EPHA6: variants seen among roughly 807,000 people sequenced by gnomAD.
EPHA6 encodes ephrin type-A receptor 6.
In EPHA6, 50 loss-of-function variants were observed where a neutral mutation model predicts 112.0. The observed-to-expected ratio is 0.45, with a 90% CI of 0.36 to 0.56. The LOEUF is 0.56. Ranked by LOEUF, EPHA6 falls within the 20% of genes least tolerant of loss-of-function variation. The pLI is 0.00. For missense variants in EPHA6, 1,280 were observed against 1,417.4 expected (o/e 0.90, Z 1.56); for synonymous variants, 529 against 490.7 (o/e 1.08, Z -1.03).
chr3:97,335,305 C>G (rs2083005883), intron 5 of EPHA6, among the ~76,000 whole-genome samples: 2 of 152,152 alleles, frequency 1.3e-5, no homozygotes, highest in African/African-American at 4.8e-5. Context: ...AGGCAGCCAT[C>G]TGCAATACTT....
At chr3:97,291,088 C>T (rs560262977) in intron 5 of EPHA6, among the ~76,000 whole-genome samples, 9 of 152,104 alleles carry the variant, frequency 5.9e-5, no homozygotes, top group East Asian at 5.8e-4. Flanking sequence ...TCATTTGTTT[C>T]GAGATGCTTT....
chr3:97,364,586 A>G lies in EPHA6; in HGVS notation c.1607-40564A>G, dbSNP rs960881591. Among the ~76,000 whole-genome samples, 21 of 152,220 alleles carry G rather than the reference A, an allele frequency of 1.4e-4. No homozygotes were observed. The East Asian group carries it at 4.1e-3, about 29-fold the overall frequency. ...AAAGAGTATGCAAAACAGTTACAAT[A>G]TAAAAACATAATTTATTTCTATGCA... On this transcript the variant is annotated intron_variant, in intron 5 of 17. Coordinates refer to ENST00000389672, the MANE Select transcript of EPHA6 (RefSeq NM_001080448.3).
At chr3:97,596,299 G>A (rs2093590283) in intron 12 of EPHA6, among the ~76,000 whole-genome samples, 1 of 152,152 alleles carries the variant, frequency 6.6e-6, no homozygotes, top group East Asian at 1.9e-4. Flanking sequence ...GTATTTGAAA[G>A]TGGTTTAGAA....
In EPHA6 at chr3:96,950,314, C is replaced by T. The variant is rs183644643; in HGVS notation, c.451-37016C>T. Among the ~76,000 whole-genome samples the T allele has an allele frequency of 2.8e-4, 42 of 152,184 alleles. No homozygotes were observed. In the East Asian group the frequency reaches 6.8e-3, roughly 25 times the overall value. ...TCATGCCCTAGTTCAAATACTAATG[C>T]CATGCCCTCACCTATAAAGTGTAGG... On this transcript the variant is annotated intron_variant, in intron 2 of 17. Transcript: ENST00000389672.
rs144627527 is a variant in EPHA6, at chr3:97,021,812, A to G, written c.1114+33819A>G. Among the ~76,000 whole-genome samples, 187 of 152,286 alleles carry G rather than the reference A, an allele frequency of 1.2e-3. 1 individual carries two copies. The highest frequency in any genetic ancestry group is 4.2e-3 in the African/African-American group (176 of 41,570). ...ACATTGGGGGTTAGAGTTTCAACCT[A>G]TGCATTTTGGGGACACAATGTAGTC... On this transcript the variant is annotated intron_variant, in intron 3 of 17. Transcript: ENST00000389672.
At chr3:97,081,784 A>T (rs1412393804) in intron 3 of EPHA6, among the ~76,000 whole-genome samples, 1 of 151,548 alleles carries the variant, frequency 6.6e-6, no homozygotes, top group Non-Finnish European at 1.5e-5. Context: ...CAATAATACA[A>T]TTTTCATGCA....
rs1203684844 is a variant in EPHA6 at position 97,405,091 on chromosome 3, A to G, written c.1607-59A>G. 34 of 1,518,990 alleles carry G rather than the reference A, an allele frequency of 2.2e-5. No homozygotes were observed. The East Asian group carries it at 8.0e-4, about 36-fold the overall frequency. The allele number at this position is 1,518,990 out of a possible 1,614,324, so 94.1% of individuals were successfully genotyped here. ...TTCCTTGGAAGAGAAAATATTAAAGAAAGGATAATGGAAAATGATTCCTGC... is the reference window on the plus strand; with the variant it reads ...TTCCTTGGAAGAGAAAATATTAAAGGAAGGATAATGGAAAATGATTCCTGC... On this transcript the variant is annotated intron_variant, in intron 5 of 17. Coordinates refer to ENST00000389672, the MANE Select transcript of EPHA6 (RefSeq NM_001080448.3).
chr3:97,439,748 A>G (rs2090037957), intron 6 of EPHA6: 1 of 425,774 alleles, frequency 2.3e-6, no homozygotes, highest in African/African-American at 2.2e-5. Context: ...TTATATAGTT[A>G]TTCTAGCTTG....
At chr3:97,175,548 G>C (rs1013154558) in intron 3 of EPHA6, among the ~76,000 whole-genome samples, 5 of 151,558 alleles carry the variant, frequency 3.3e-5, no homozygotes, top group African/African-American at 1.2e-4. Flanking sequence ...TCCATTTTTT[G>C]TTGTAATCTT....
chr3:97,287,001 TAA>T (rs1213268790), intron 5 of EPHA6, among the ~76,000 whole-genome samples: 4 of 143,116 alleles, frequency 2.8e-5, no homozygotes, highest in South Asian at 2.2e-4. Context: ...ATGCAGCTGT[TAA>T]AAAAAAAAAA....
chr3:97,001,638 A>G (rs1244968959), intron 3 of EPHA6, among the ~76,000 whole-genome samples: 2 of 151,988 alleles, frequency 1.3e-5, no homozygotes, highest in Non-Finnish European at 2.9e-5. Flanking sequence ...ATTTTTTTAG[A>G]ATGAGTATCA....
chr3:97,692,961 T>C (rs1215386966), intron 14 of EPHA6, among the ~76,000 whole-genome samples: 1 of 152,194 alleles, frequency 6.6e-6, no homozygotes, highest in African/African-American at 2.4e-5. Context: ...GCTGTAATAT[T>C]ATTAGCATTT....
At chr3:97,244,360 G>A in intron 5 of EPHA6, 73 bp downstream of exon 5, 1 of 1,300,610 alleles carries the variant, frequency 7.7e-7, no homozygotes, top group South Asian at 1.3e-5. Flanking sequence ...TCATGGGCAT[G>A]TATTTATTGC....
chr3:96,836,221 T>G (rs1231738964), intron 1 of EPHA6, among the ~76,000 whole-genome samples: 1 of 152,112 alleles, frequency 6.6e-6, no homozygotes, highest in East Asian at 1.9e-4. Flanking sequence ...CAAAATTATT[T>G]AGTCCATTAA....
intron 2 of EPHA6, among the ~76,000 whole-genome samples, chr3:96,884,357 A>T (rs1008005236): frequency 6.6e-6 from 1 of 152,112 alleles, no homozygotes; most frequent in African/African-American, 2.4e-5. Context: ...TGAGCACGGG[A>T]TGTGTTTCCA....
intron 14 of EPHA6, among the ~76,000 whole-genome samples, chr3:97,688,767 A>G (rs1348839506): frequency 6.6e-6 from 1 of 152,022 alleles, no homozygotes; most frequent in African/African-American, 2.4e-5. Flanking sequence ...ACTTCTACCC[A>G]CTTTGTTTCT....
chr3:97,098,516 C>G (rs1464886492), intron 3 of EPHA6, among the ~76,000 whole-genome samples: 2 of 151,682 alleles, frequency 1.3e-5, no homozygotes, highest in East Asian at 3.9e-4. Context: ...TAAATTAAAA[C>G]AGAAGGATTT....
chr3:97,452,658 T>C (rs976114084), intron 7 of EPHA6, among the ~76,000 whole-genome samples: 2 of 151,734 alleles, frequency 1.3e-5, no homozygotes, highest in African/African-American at 4.8e-5. Context: ...ATACTTCATA[T>C]GGATTTTCTT....
rs763682996 is a variant in EPHA6, at chr3:96,994,759, A to AGAGAGAGAGAGAGCGAGC, written c.1114+6769_1114+6770insAGAGAGAGAGCGAGCGAG. ...GAGAGAGAGAGAGAGAGAGAGAGAG[A>AGAGAGAGAGAGAGCGAGC]GAGCTATATATATACCTACAGGCTG... On this transcript the variant is annotated intron_variant, in intron 3 of 17. Coordinates refer to ENST00000389672, the MANE Select transcript of EPHA6 (RefSeq NM_001080448.3). Among the ~76,000 whole-genome samples the AGAGAGAGAGAGAGCGAGC allele has an allele frequency of 9.1e-4, 106 of 116,206 alleles. 1 individual carries two copies. The highest frequency in any genetic ancestry group is 1.7e-3 in the African/African-American group (48 of 28,176). The allele number at this position is 116,206 out of a possible 152,430, so 76.2% of individuals were successfully genotyped here. A position where few individuals can be genotyped will look rare whatever the true frequency, so the allele number is the denominator to read the frequency against.
Sources: gnomAD v4.1 joint callset for allele counts (sites outside exome capture counted in the v4.1 genomes callset) on GRCh38, gnomAD v4.1.1 for gene constraint, MANE v1.5 for transcripts, NCBI Gene and HGNC (gene_info 2026-07-23, HGNC 2026-07-21) for gene names.